ESR1: variants seen among roughly 807,000 people sequenced by gnomAD.
ESR1 encodes the protein estrogen receptor.
A neutral mutation model predicts 52.7 loss-of-function variants in ESR1; 12 were observed. The observed-to-expected ratio is 0.23, with a 90% CI of 0.15 to 0.37. The LOEUF is 0.37. Among genes scored for constraint, ESR1 ranks in the 10% least tolerant of loss-of-function variants. ESR1 has a pLI of 1.00. For synonymous variants in ESR1, 305 were observed against 316.8 expected (o/e 0.96, Z 0.39); for missense variants, 584 against 779.7 (o/e 0.75, Z 2.99).
downstream of ESR1, among the ~76,000 whole-genome samples, chr6:152,106,922 T>G (rs775343309): frequency 1.3e-5 from 2 of 151,986 alleles, no homozygotes; most frequent in Non-Finnish European, 2.9e-5. Context: ...TTTGTATATA[T>G]CATCCCATTG....
chr6:151,657,811 T>A (rs922301039), intron 1 of ESR1, among the ~76,000 whole-genome samples: 1 of 152,040 alleles, frequency 6.6e-6, no homozygotes, highest in African/African-American at 2.4e-5. Flanking sequence ...AAATTTTGGG[T>A]TTTTTTGGAT....
At chr6:151,853,394 T>C (rs2128263404) in intron 2 of ESR1, among the ~76,000 whole-genome samples, 1 of 152,230 alleles carries the variant, frequency 6.6e-6, no homozygotes, top group East Asian at 1.9e-4. Flanking sequence ...TGTTAGTGGT[T>C]AATGCGATCC....
At chr6:151,872,185 C>A (rs1350719784) in intron 2 of ESR1, among the ~76,000 whole-genome samples, 1 of 152,184 alleles carries the variant, frequency 6.6e-6, no homozygotes, top group East Asian at 1.9e-4. Context: ...AACTTCCAAG[C>A]TTCAGAACTG....
intron 1 of ESR1, among the ~76,000 whole-genome samples, chr6:151,670,069 C>T (rs1777995571): frequency 6.6e-6 from 1 of 152,190 alleles, no homozygotes; most frequent in Non-Finnish European, 1.5e-5. Flanking sequence ...CCAAAGGCCA[C>T]CAGGGCCAGC....
chr6:152,038,488 A>G, intron 5 of ESR1, among the ~76,000 whole-genome samples: 1 of 152,188 alleles, frequency 6.6e-6, no homozygotes, highest in East Asian at 1.9e-4. Flanking sequence ...TAAATCATAC[A>G]TGATCTCCAA....
At chr6:152,042,820 A>T (rs1353245946) in intron 5 of ESR1, among the ~76,000 whole-genome samples, 2 of 152,208 alleles carry the variant, frequency 1.3e-5, no homozygotes, top group Non-Finnish European at 2.9e-5. Flanking sequence ...CACAAGTCAG[A>T]CTATTCTGAT....
At chr6:151,994,664 G>A (rs1259634286) in intron 4 of ESR1, among the ~76,000 whole-genome samples, 1 of 152,090 alleles carries the variant, frequency 6.6e-6, no homozygotes, top group East Asian at 1.9e-4. Context: ...AGTGAGTCCA[G>A]GAAACTGGAT....
At chr6:151,735,645 G>A (rs1225283777) in intron 2 of ESR1, among the ~76,000 whole-genome samples, 1 of 152,030 alleles carries the variant, frequency 6.6e-6, no homozygotes, top group Non-Finnish European at 1.5e-5. Context: ...CTGAAGTCTG[G>A]GATTTTAGTT....
At chr6:152,111,869 C>A (rs1225952169) in intron 6 of ESR1, among the ~76,000 whole-genome samples, 1 of 152,110 alleles carries the variant, frequency 6.6e-6, no homozygotes, top group East Asian at 1.9e-4. Context: ...GCTGATGGTG[C>A]CAAAATTGGA....
rs556205662 is a variant in ESR1 at position 151,699,669 on chromosome 6, G to A, written c.-201-2206G>A. Among the ~76,000 whole-genome samples, 11 of 152,276 alleles carry A rather than the reference G, an allele frequency of 7.2e-5. No individual in the cohort carries two copies. In the East Asian group the frequency reaches 2.1e-3, roughly 29 times the overall value. On this transcript the variant is annotated intron_variant, in intron 1 of 2. Coordinates refer to the ESR1 transcript ENST00000404742. The stretch of plus-strand genomic sequence containing the variant: ...ATTGAGTTCGTGTTAATGAAGAAAT[G>A]TCAGAATACATAATGAATCAATAAG...
At chr6:151,709,764 G>T (rs1780453513) in intron 2 of ESR1, among the ~76,000 whole-genome samples, 1 of 149,922 alleles carries the variant, frequency 6.7e-6, no homozygotes. Flanking sequence ...TCAGTGGATT[G>T]CTAAATCTTA....
At chr6:151,962,118 T>G (rs1739093487) in intron 4 of ESR1, among the ~76,000 whole-genome samples, 2 of 152,088 alleles carry the variant, frequency 1.3e-5, no homozygotes, top group Non-Finnish European at 2.9e-5. Context: ...GCTTGTCTCT[T>G]ATAATTAGGA....
At chr6:151,990,791 A>G (rs2040933679) in intron 4 of ESR1, among the ~76,000 whole-genome samples, 1 of 152,184 alleles carries the variant, frequency 6.6e-6, no homozygotes, top group South Asian at 2.1e-4. Flanking sequence ...TGACTTAAGT[A>G]TGTAAATAAT....
At chr6:151,776,647 G>T (rs1251905168) in intron 2 of ESR1, among the ~76,000 whole-genome samples, 2 of 152,134 alleles carry the variant, frequency 1.3e-5, no homozygotes, top group Non-Finnish European at 2.9e-5. Flanking sequence ...AGATCAGCCT[G>T]GTCAACATGG....
intron 2 of ESR1, among the ~76,000 whole-genome samples, chr6:151,725,588 T>G (rs573892282): frequency 2.2e-4 from 33 of 152,346 alleles, no homozygotes; most frequent in Admixed American, 3.9e-4. Flanking sequence ...ATATAAATCT[T>G]AGATGTCTTA....
upstream of ESR1, among the ~76,000 whole-genome samples, chr6:151,686,102 G>GTTTTTTTTTTT (rs1778661919): frequency 7.5e-6 from 1 of 133,898 alleles, no homozygotes; most frequent in African/African-American, 3.6e-5. Context: ...TAGAGACGGG[G>GTTTTTTTTTTT]TCTTTCTACA....
intron 1 of ESR1, among the ~76,000 whole-genome samples, chr6:151,672,827 ATTT>A (rs11365774): frequency 9.1e-5 from 11 of 121,134 alleles, no homozygotes; most frequent in African/African-American, 9.6e-5. Context: ...TTCATGATCA[ATTT>A]TTTTTTTTTT....
intron 1 of ESR1, among the ~76,000 whole-genome samples, chr6:151,842,158 C>T (rs1446666176): frequency 6.6e-6 from 1 of 152,172 alleles, no homozygotes; most frequent in Non-Finnish European, 1.5e-5. Context: ...GACACATGTT[C>T]TGTGTTGTCC....
chr6:152,055,751 T>C (rs1404410844), intron 5 of ESR1, among the ~76,000 whole-genome samples: 1 of 152,226 alleles, frequency 6.6e-6, no homozygotes, highest in Non-Finnish European at 1.5e-5. Flanking sequence ...TCCCCAGGCA[T>C]GTAGCCTACC....
Sources: allele counts gnomAD v4.1 joint callset (sites outside exome capture counted in the v4.1 genomes callset), GRCh38; gene constraint gnomAD v4.1.1; transcripts MANE v1.5; gene names NCBI Gene and HGNC (gene_info 2026-07-23, HGNC 2026-07-21).